The following SPON2 variants were observed in gnomAD, a reference collection of about 807,000 sequenced individuals.
SPON2 encodes the protein spondin-2.
A neutral mutation model predicts 29.9 loss-of-function variants in SPON2; 32 were observed. The ratio of observed to expected loss-of-function variants is 1.07; its 90% CI spans 0.81 to 1.44. The LOEUF (loss-of-function observed/expected upper bound fraction) is 1.44. Ranked by LOEUF, SPON2 falls within the 40% of genes most tolerant of loss-of-function variation. The pLI is 0.00. For synonymous variants in SPON2, 248 were observed against 209.1 expected, an observed-to-expected ratio of 1.19 and a Z score of -1.61; for missense variants, 541 against 455.5, an observed-to-expected ratio of 1.19 and a Z score of -1.71.
chr4:1,206,297 C>T (rs1221204320), intron 1 of SPON2, among the ~76,000 whole-genome samples: 1 of 151,618 alleles, frequency 6.6e-6, no homozygotes, highest in Non-Finnish European at 1.5e-5. Context: ...GGGTGCCACT[C>T]ACCCACCCGG....
At chr4:1,190,623 C>T (rs1727893753) in intron 1 of SPON2, among the ~76,000 whole-genome samples, 1 of 152,044 alleles carries the variant, frequency 6.6e-6, no homozygotes, top group Non-Finnish European at 1.5e-5. Context: ...AATGATTAGG[C>T]AAGAAAATAA....
chr4:1,177,240 G>A (rs1310953898), upstream of SPON2, among the ~76,000 whole-genome samples: 1 of 152,218 alleles, frequency 6.6e-6, no homozygotes, highest in African/African-American at 2.4e-5. Flanking sequence ...GCCCTGCCAC[G>A]GCCCCAGCAG....
At chr4:1,172,120 A>C (rs1052796768) in intron 1 of SPON2, 46 bp from the exon 2 acceptor site, 2 of 1,563,966 alleles carry the variant, frequency 1.3e-6, no homozygotes, top group South Asian at 2.3e-5. Context: ...CCGTCGTGGC[A>C]GCCTCGGGGT....
chr4:1,171,214 G>A (rs920231715), intron 3 of SPON2, 24 bp from the exon 4 acceptor site: 1 of 1,461,684 alleles, frequency 6.8e-7, no homozygotes, highest in Non-Finnish European at 9.0e-7. Flanking sequence ...GGCTCAGCGC[G>A]CCTGGCCCCG....
intron 2 of SPON2, 92 bp downstream of exon 2, chr4:1,171,758 CCA>C: frequency 1.1e-6 from 1 of 945,000 alleles, no homozygotes; most frequent in Non-Finnish European, 1.7e-6. Context: ...TCAGCACGCC[CCA>C]GACTGGGAAG....
rs894549140 is a variant in SPON2 at position 1,202,841 on chromosome 4, G to GC, written c.-234+5038dup. 1.3e-5 allele frequency among the ~76,000 whole-genome samples: 2 copies of GC among 152,144 alleles called. No individual in the cohort carries two copies. Among genetic ancestry groups the GC allele is most frequent in the African/African-American group, 2.4e-5 (1 of 41,430 alleles). ...TCAGCGCCCCGTGGATGCCGTCAAG[G>GC]CCCCCCGCATGTGCCTTTGGGAGCG... On this transcript the variant is annotated intron_variant, in intron 1 of 3. Coordinates refer to the SPON2 transcript ENST00000509233. The surrounding 1 kb of genome is among the most constrained non-coding windows in gnomAD (Gnocchi z 5.4).
At chr4:1,188,398 T>G (rs1030935812) in intron 1 of SPON2, among the ~76,000 whole-genome samples, 1 of 152,118 alleles carries the variant, frequency 6.6e-6, no homozygotes, top group Non-Finnish European at 1.5e-5. Context: ...AAATGTTAAT[T>G]AAACACTCCA....
chr4:1,172,354 T>C (rs1727487234), intron 1 of SPON2, 190 bp downstream of exon 1: 5 of 543,368 alleles, frequency 9.2e-6, no homozygotes, highest in Admixed American at 6.6e-5. Context: ...GGGTGCGGCC[T>C]CCGGGATGCC....
At chr4:1,207,678 C>G (rs977031322) in intron 1 of SPON2, among the ~76,000 whole-genome samples, 1 of 152,040 alleles carries the variant, frequency 6.6e-6, no homozygotes, top group African/African-American at 2.4e-5. Flanking sequence ...TACACATGCT[C>G]CAGAGGGTCC....
upstream of SPON2, among the ~76,000 whole-genome samples, chr4:1,197,627 T>C (rs1315582397): frequency 2.1e-5 from 2 of 96,592 alleles, no homozygotes; most frequent in South Asian, 6.7e-4. Context: ...TTTTAAAAAG[T>C]AGGGAGAATT....
chr4:1,173,291 T>C (rs1470186876), upstream of SPON2: 1 of 152,608 alleles, frequency 6.6e-6, no homozygotes. Context: ...CGGTCTGCAC[T>C]GTGGCCAGAG....
At position 1,167,131 on chromosome 4, in the gene SPON2, G is replaced by A. The variant is rs540245549; in HGVS notation, c.*341C>T. ...CCACGTGGGAGCCAGGCCCCTGGAC[G>A]ATGAAGGACAATCTCCTGGAGCAGC... is the stretch of plus-strand genomic sequence containing the variant. On this transcript the variant is annotated 3_prime_UTR_variant, in exon 6 of 6. Transcript: ENST00000290902. The A allele has an allele frequency of 3.6e-5, 8 of 223,162 alleles. No homozygotes were observed. The South Asian group carries it at 8.9e-4, about 25-fold the overall frequency. 13.8% of individuals were successfully genotyped at this position (223,162 alleles called of 1,614,324 possible). A position where few individuals can be genotyped will look rare whatever the true frequency, so the allele number is the denominator to read the frequency against.
chr4:1,170,716 T>C, intron 4 of SPON2, 140 bp from the exon 5 acceptor site: 1 of 1,138,190 alleles, frequency 8.8e-7, no homozygotes, highest in Non-Finnish European at 1.3e-6. Context: ...TGTACTCCTC[T>C]CAGCCATCCC....
chr4:1,200,613 C>T, intron 1 of SPON2: 1 of 350,866 alleles, frequency 2.9e-6, no homozygotes, highest in South Asian at 2.2e-5. Context: ...CCCACAACAG[C>T]TGTTCCCCAT....
chr4:1,176,532 C>G (rs1055151233), upstream of SPON2, among the ~76,000 whole-genome samples: 3 of 151,740 alleles, frequency 2.0e-5, no homozygotes, highest in African/African-American at 4.8e-5. Flanking sequence ...TCACACAGTA[C>G]ATTCATTCAC....
rs1171520204 is a variant in SPON2, at chr4:1,171,332, C to A, written c.375G>T (p.Ser125=). ...CGGTGCCGCTGGGGACGGCGGGCGC[C>A]GAAAACACCGCGTGCACGCTCTGCA... is the stretch of plus-strand genomic sequence containing the variant. ...EALQSVHAVF[S]APAVPSGTGQ... The change falls in exon 3 of 6, where the codon TCG becomes TCT. Residue 125 remains serine, a synonymous_variant. Coordinates refer to ENST00000290902, the MANE Select transcript of SPON2 (RefSeq NM_012445.4). 6.2e-7 allele frequency: 1 copy of A among 1,605,412 alleles called. No homozygotes were observed. Among genetic ancestry groups the A allele is most frequent in the African/African-American group, 1.3e-5 (1 of 74,782 alleles).
At chr4:1,169,249 C>T (rs1384732957) in intron 5 of SPON2, among the ~76,000 whole-genome samples, 1 of 152,112 alleles carries the variant, frequency 6.6e-6, no homozygotes, top group East Asian at 1.9e-4. Flanking sequence ...GCTCTTCCCG[C>T]CAGACCAGTT....
At chr4:1,176,763 A>C (rs993587043), upstream of SPON2, among the ~76,000 whole-genome samples, 5 of 152,094 alleles carry the variant, frequency 3.3e-5, no homozygotes, top group African/African-American at 1.2e-4. Flanking sequence ...ATTCACTCAC[A>C]CAGTACATTC....
chr4:1,199,499 G>A (rs1247059511), upstream of SPON2: 1 of 152,160 alleles, frequency 6.6e-6, no homozygotes, highest in East Asian at 1.9e-4. The surrounding 1 kb of genome is among the most constrained non-coding windows in gnomAD (Gnocchi z 4.5). Context: ...ATAATCACCT[G>A]GAAATTTTAA....
Sources: allele counts gnomAD v4.1 joint callset (sites outside exome capture counted in the v4.1 genomes callset), GRCh38; gene constraint gnomAD v4.1.1; non-coding constraint Gnocchi (gnomAD v3.1); transcripts MANE v1.5; gene names NCBI Gene and HGNC (gene_info 2026-07-23, HGNC 2026-07-21).